ARHGAP42: variants seen among roughly 807,000 people sequenced by gnomAD.
The protein encoded by ARHGAP42 is Rho GTPase activating protein 42.
ARHGAP42 carries 63 observed loss-of-function variants against 125.0 expected under a neutral mutation model. The ratio of observed to expected loss-of-function variants is 0.50; its 90% CI spans 0.41 to 0.62. ARHGAP42 has a LOEUF of 0.62. Among genes scored for constraint, ARHGAP42 ranks in the 20% least tolerant of loss-of-function variants. The pLI is 0.00. For missense variants in ARHGAP42, 766 were observed against 1,024.2 expected (o/e 0.75, Z 3.44); for synonymous variants, 339 against 351.0 (o/e 0.97, Z 0.38).
chr11:100,797,343 C>A (rs1260590648), intron 3 of ARHGAP42, among the ~76,000 whole-genome samples: 2 of 152,140 alleles, frequency 1.3e-5, no homozygotes, highest in African/African-American at 4.8e-5. Context: ...CTAGGACTTT[C>A]ACAGCAATAA....
intron 2 of ARHGAP42, among the ~76,000 whole-genome samples, chr11:100,771,551 A>G (rs1420634242): frequency 5.3e-5 from 8 of 152,178 alleles, no homozygotes; most frequent in Admixed American, 2.0e-4. Flanking sequence ...CAAACACTTA[A>G]GAACAGTGAC....
chr11:100,924,607 C>G (rs563773352), intron 6 of ARHGAP42, among the ~76,000 whole-genome samples: 1 of 151,958 alleles, frequency 6.6e-6, no homozygotes, highest in Admixed American at 6.5e-5. Flanking sequence ...ATGGAGGTTG[C>G]AGTGATCCGA....
chr11:100,726,501 G>A (rs1861864024), intron 1 of ARHGAP42, among the ~76,000 whole-genome samples: 1 of 152,114 alleles, frequency 6.6e-6, no homozygotes, highest in African/African-American at 2.4e-5. Context: ...ATATTCCTGG[G>A]TACATTTTTA....
At chr11:100,923,648 T>C (rs917428768) in intron 6 of ARHGAP42, among the ~76,000 whole-genome samples, 2 of 152,172 alleles carry the variant, frequency 1.3e-5, no homozygotes, top group Non-Finnish European at 2.9e-5. Flanking sequence ...CACCTTTCAA[T>C]TGAAATGTGT....
At chr11:100,874,975 C>T (rs1178511106) in intron 4 of ARHGAP42, among the ~76,000 whole-genome samples, 1 of 152,022 alleles carries the variant, frequency 6.6e-6, no homozygotes, top group Non-Finnish European at 1.5e-5. Context: ...TTCTACCCTG[C>T]AGTTAAGGGT....
intron 4 of ARHGAP42, among the ~76,000 whole-genome samples, chr11:100,870,874 G>C (rs1167253501): frequency 1.3e-5 from 2 of 150,166 alleles, no homozygotes; most frequent in Non-Finnish European, 3.0e-5. Context: ...ATTTTATTCT[G>C]TAATTGTTGA....
intron 3 of ARHGAP42, among the ~76,000 whole-genome samples, chr11:100,837,397 GT>G (rs1344894005): frequency 6.6e-6 from 1 of 151,836 alleles, no homozygotes; most frequent in Non-Finnish European, 1.5e-5. Context: ...GAATGGTTTT[GT>G]TGTCCGTAAG....
intron 22 of ARHGAP42, among the ~76,000 whole-genome samples, chr11:100,980,559 C>CTTCATTTTTTTTTTT (rs1555037006): frequency 1.9e-5 from 1 of 51,962 alleles, no homozygotes; most frequent in African/African-American, 5.7e-5. Flanking sequence ...TTTTCTTCTT[C>CTTCATTTTTTTTTTT]TTTTTTTTTT....
At chr11:100,846,208 G>A (rs1029861909) in intron 3 of ARHGAP42, among the ~76,000 whole-genome samples, 2 of 152,050 alleles carry the variant, frequency 1.3e-5, no homozygotes, top group Non-Finnish European at 2.9e-5. Context: ...AGTAGAAGGT[G>A]GTCTTCATTT....
chr11:100,906,540 T>C (rs1866742075), intron 4 of ARHGAP42, among the ~76,000 whole-genome samples: 1 of 152,010 alleles, frequency 6.6e-6, no homozygotes, highest in Admixed American at 6.6e-5. Context: ...TTCTCATTCA[T>C]TGTACAGTGT....
At chr11:100,936,120 A>C in intron 7 of ARHGAP42, 83 bp from the exon 8 acceptor site, 1 of 1,500,030 alleles carries the variant, frequency 6.7e-7, no homozygotes, top group Non-Finnish European at 9.0e-7. Context: ...AAAATAAATA[A>C]AAGCAAAACA....
chr11:100,867,735 G>T (rs1269902653), intron 4 of ARHGAP42, among the ~76,000 whole-genome samples: 4 of 152,166 alleles, frequency 2.6e-5, no homozygotes, highest in South Asian at 2.1e-4. Flanking sequence ...TGGTTGACTG[G>T]CACAAGAGGA....
intron 3 of ARHGAP42, among the ~76,000 whole-genome samples, chr11:100,830,523 A>G (rs1439494796): frequency 6.6e-6 from 1 of 152,166 alleles, no homozygotes; most frequent in Non-Finnish European, 1.5e-5. Flanking sequence ...GCATGATGTC[A>G]GGCTTGCTGC....
chr11:100,973,119 A>G (rs900436530), intron 17 of ARHGAP42, 56 bp from the exon 18 acceptor site: 2 of 1,402,454 alleles, frequency 1.4e-6, no homozygotes, highest in Non-Finnish European at 1.9e-6. Flanking sequence ...AGAAGAGACT[A>G]TTTCATAATT....
intron 3 of ARHGAP42, among the ~76,000 whole-genome samples, chr11:100,835,852 G>T (rs979917334): frequency 6.6e-6 from 1 of 151,926 alleles, no homozygotes; most frequent in Admixed American, 6.6e-5. Flanking sequence ...GCCAGTATTT[G>T]CCAGGAATAA....
chr11:100,924,574 C>T (rs771726004), intron 6 of ARHGAP42, among the ~76,000 whole-genome samples: 39 of 151,760 alleles, frequency 2.6e-4, no homozygotes, highest in Admixed American at 2.0e-3. Context: ...AGCTGAGGCA[C>T]GAGAATTGTT....
chr11:100,943,596 C>A (rs1184569312), intron 9 of ARHGAP42, among the ~76,000 whole-genome samples, 163 bp from the exon 10 acceptor site: 1 of 152,060 alleles, frequency 6.6e-6, no homozygotes, highest in Non-Finnish European at 1.5e-5. Flanking sequence ...GTATTATGAT[C>A]GGACAGCTAA....
intron 14 of ARHGAP42, among the ~76,000 whole-genome samples, 181 bp from the exon 15 acceptor site, chr11:100,961,503 T>G (rs1857953671): frequency 6.6e-6 from 1 of 152,172 alleles, no homozygotes; most frequent in Non-Finnish European, 1.5e-5. Flanking sequence ...GATATATCTT[T>G]GAGGTTTAGT....
chr11:100,735,233 T>G (rs1446553618), intron 1 of ARHGAP42, among the ~76,000 whole-genome samples: 2 of 152,228 alleles, frequency 1.3e-5, no homozygotes, highest in Non-Finnish European at 2.9e-5. Context: ...ATTGCTTTTA[T>G]TTTAAGCATG....
Sources: allele counts gnomAD v4.1 joint callset (sites outside exome capture counted in the v4.1 genomes callset), GRCh38; gene constraint gnomAD v4.1.1; transcripts MANE v1.5; gene names NCBI Gene and HGNC (gene_info 2026-07-23, HGNC 2026-07-21).